The following MRPL48 variants were observed in gnomAD, a reference collection of about 807,000 sequenced individuals.
MRPL48 encodes the protein large ribosomal subunit protein mL48.
A neutral mutation model predicts 32.9 loss-of-function variants in MRPL48; 16 were observed. The observed-to-expected ratio is 0.49, with a 90% CI of 0.33 to 0.74. MRPL48 has a LOEUF of 0.74. MRPL48 is among the 30% of genes least tolerant of loss of function. MRPL48 has a pLI of 0.02. For missense variants in MRPL48, 206 were observed against 245.3 expected, an observed-to-expected ratio of 0.84 and a Z score of 1.07; for synonymous variants, 94 against 89.2, an observed-to-expected ratio of 1.05 and a Z score of -0.31.
rs148400152 is a variant in MRPL48 at position 73,838,346 on chromosome 11, T to C, written c.202-6461T>C. 8.4e-3 allele frequency among the ~76,000 whole-genome samples: 1,278 copies of C among 152,320 alleles called. 21 individuals carry two copies. The highest frequency in any genetic ancestry group is 0.03 in the African/African-American group (1,235 of 41,556). ...CTCAGAACTGAAATATGTATTGTAA[T>C]ATCACAGTGGGATCTTGATAATGTG... On this transcript the variant is annotated intron_variant, in intron 4 of 7. Coordinates refer to ENST00000310614, the MANE Select transcript of MRPL48 (RefSeq NM_016055.6).
Position 73,863,059 on chromosome 11 carries a change from G to A in MRPL48, c.475-113G>A, listed in dbSNP as rs533560228. The A allele has an allele frequency of 6.2e-5, 56 of 899,172 alleles. No individual in the cohort carries two copies. The South Asian group carries it at 7.4e-4, about 12-fold the overall frequency. 55.7% of individuals were successfully genotyped at this position (899,172 alleles called of 1,614,324 possible). A position where few individuals can be genotyped will look rare whatever the true frequency, so the allele number is the denominator to read the frequency against. On this transcript the variant is annotated intron_variant, in intron 6 of 7. Coordinates refer to ENST00000310614, the MANE Select transcript of MRPL48 (RefSeq NM_016055.6). ...ACCAGTTTTGGTGTTAATCTTCCACGCTTGGGCTCTCCAGACTCTACTGGA... is the reference window on the plus strand; with the variant it reads ...ACCAGTTTTGGTGTTAATCTTCCACACTTGGGCTCTCCAGACTCTACTGGA...
chr11:73,842,942 GC>G (rs1185682870), intron 4 of MRPL48: 1 of 152,216 alleles, frequency 6.6e-6, no homozygotes, highest in Non-Finnish European at 1.5e-5. Flanking sequence ...CTCCTGAGTA[GC>G]TGGGATTACA....
At chr11:73,859,286 C>CTT (rs71065048) in intron 5 of MRPL48, among the ~76,000 whole-genome samples, 15 of 145,304 alleles carry the variant, frequency 1.0e-4, no homozygotes, top group South Asian at 4.4e-4. Flanking sequence ...TCTTTTCTTT[C>CTT]TTTTTTTTTT....
At chr11:73,817,468 C>G (rs1010002077) in intron 3 of MRPL48, among the ~76,000 whole-genome samples, 4 of 152,156 alleles carry the variant, frequency 2.6e-5, no homozygotes, top group African/African-American at 9.7e-5. Flanking sequence ...TTATACTTCT[C>G]TATTTGAGAA....
At chr11:73,788,025 G>A (rs1227826902) in intron 1 of MRPL48, 33 bp downstream of exon 1, 2 of 1,465,186 alleles carry the variant, frequency 1.4e-6, no homozygotes, top group Admixed American at 1.8e-5. Context: ...GGGGCGCGGG[G>A]AGATGGCGGA....
At chr11:73,788,082 C>T (rs1947075497) in intron 1 of MRPL48, 90 bp downstream of exon 1, 8 of 1,554,438 alleles carry the variant, frequency 5.1e-6, no homozygotes, top group African/African-American at 4.1e-5. Context: ...GGGGAGGTGG[C>T]GGCGCGCGGA....
intron 5 of MRPL48, among the ~76,000 whole-genome samples, chr11:73,845,523 A>G (rs1024559746): frequency 1.3e-5 from 2 of 152,244 alleles, no homozygotes; most frequent in African/African-American, 4.8e-5. Context: ...CTGTAATCCC[A>G]GCACTTTGGG....
chr11:73,844,770 A>C, intron 4 of MRPL48, 37 bp from the exon 5 acceptor site: 2 of 1,581,874 alleles, frequency 1.3e-6, no homozygotes, highest in Non-Finnish European at 1.7e-6. Flanking sequence ...TTCTTGTATA[A>C]TACTTTATTT....
At chr11:73,829,724 G>A (rs1330454082) in intron 4 of MRPL48, among the ~76,000 whole-genome samples, 1 of 152,004 alleles carries the variant, frequency 6.6e-6, no homozygotes, top group Non-Finnish European at 1.5e-5. Flanking sequence ...CTCTGTCCTA[G>A]GAAAACTGCT....
chr11:73,830,974 G>C (rs1041859466), intron 4 of MRPL48, among the ~76,000 whole-genome samples: 1 of 151,784 alleles, frequency 6.6e-6, no homozygotes, highest in African/African-American at 2.4e-5. Flanking sequence ...TGAGTAGCTG[G>C]GATTACAGGC....
rs141560202 is a variant in MRPL48 at position 73,813,188 on chromosome 11, T to C, written c.112+4838T>C. On this transcript the variant is annotated intron_variant, in intron 3 of 7. Transcript: ENST00000310614. ...GAATTGCCTATTTATTTACTTATTTTTGAGACAGAGTCTTACTCTGTCACC... is the reference window on the plus strand; with the variant it reads ...GAATTGCCTATTTATTTACTTATTTCTGAGACAGAGTCTTACTCTGTCACC... 5.1e-3 allele frequency among the ~76,000 whole-genome samples: 780 copies of C among 152,086 alleles called. 4 individuals are homozygous for C. Among genetic ancestry groups the C allele is most frequent in the Middle Eastern group, 0.014 (4 of 294 alleles).
At chr11:73,791,824 A>G (rs1184115771) in intron 1 of MRPL48, among the ~76,000 whole-genome samples, 2 of 152,202 alleles carry the variant, frequency 1.3e-5, no homozygotes, top group Non-Finnish European at 2.9e-5. Flanking sequence ...TGTTGATATT[A>G]CCTGGTAAGT....
Position 73,864,419 on chromosome 11 carries a change from A to G in MRPL48, c.*49A>G. On this transcript the variant is annotated 3_prime_UTR_variant, in exon 8 of 8. Transcript: ENST00000310614. The stretch of plus-strand genomic sequence containing the variant: ...GCAGTGGTCATATTGAGTGCCAAAG[A>G]GAAGAGCTTACTGGGTAGTTAGAGT... The G allele has an allele frequency of 6.3e-7, 1 of 1,586,852 alleles. No homozygotes were observed. The highest frequency in any genetic ancestry group is 1.1e-5 in the South Asian group (1 of 89,204).
chr11:73,844,957 T>A lies in MRPL48; in HGVS notation c.352T>A (p.Ser118Thr). ...QYVHNLCNSL[S>T]IKVEESYAMP... ...TGTTCACAACCTCTGCAACTCTCTC[T>A]CCATTAAAGTCGAGGAAAGGTATGA... is the stretch of plus-strand genomic sequence containing the variant. The change falls in exon 5 of 8, where the codon TCC becomes ACC. Residue 118 changes from serine (S) to threonine (T), a missense_variant. Coordinates refer to ENST00000310614, the MANE Select transcript of MRPL48 (RefSeq NM_016055.6). 1.2e-6 allele frequency: 2 copies of A among 1,608,930 alleles called. No homozygotes were observed. Among genetic ancestry groups the A allele is most frequent in the Non-Finnish European group, 1.7e-6 (2 of 1,176,366 alleles).
At chr11:73,822,839 C>T (rs1378687165) in intron 3 of MRPL48, among the ~76,000 whole-genome samples, 1 of 152,186 alleles carries the variant, frequency 6.6e-6, no homozygotes, top group Non-Finnish European at 1.5e-5. Context: ...AGCCACTCCC[C>T]ATCACTCAAG....
chr11:73,828,347 C>T (rs887580963), intron 4 of MRPL48, among the ~76,000 whole-genome samples: 4 of 151,822 alleles, frequency 2.6e-5, no homozygotes, highest in Non-Finnish European at 4.4e-5. Flanking sequence ...ATCTCAGCCT[C>T]CTGAGCAGCT....
At chr11:73,828,758 T>C (rs1287025170) in intron 4 of MRPL48, among the ~76,000 whole-genome samples, 4 of 150,984 alleles carry the variant, frequency 2.6e-5, no homozygotes, top group Admixed American at 6.6e-5. Context: ...CCCCCTTCTT[T>C]TTTTTTTTTT....
chr11:73,837,146 A>G (rs1407665207), intron 4 of MRPL48, among the ~76,000 whole-genome samples: 1 of 152,248 alleles, frequency 6.6e-6, no homozygotes, highest in Admixed American at 6.5e-5. Flanking sequence ...CTGCAGGCAT[A>G]TCAGCCTTTT....
Position 73,834,344 on chromosome 11 carries a change from A to C in MRPL48, c.201+8548A>C, listed in dbSNP as rs562001916. 1.3e-3 allele frequency among the ~76,000 whole-genome samples: 204 copies of C among 152,300 alleles called. 1 individual carries two copies. The highest frequency in any genetic ancestry group is 3.4e-3 in the Middle Eastern group (1 of 294). ...ACATAAAAGTATAAGTAGATATTCC[A>C]GCTTTTTGTTTTGCCATACTTATCA... On this transcript the variant is annotated intron_variant, in intron 4 of 7. Coordinates refer to ENST00000310614, the MANE Select transcript of MRPL48 (RefSeq NM_016055.6).
Sources: gnomAD v4.1 joint callset for allele counts (sites outside exome capture counted in the v4.1 genomes callset) on GRCh38, gnomAD v4.1.1 for gene constraint, MANE v1.5 for transcripts, NCBI Gene and HGNC (gene_info 2026-07-23, HGNC 2026-07-21) for gene names.